The following TRAPPC3L variants were observed in gnomAD, a reference collection of about 807,000 sequenced individuals.
The protein encoded by TRAPPC3L is trafficking protein particle complex subunit 3L, also known as trafficking protein particle complex subunit 3-like protein.
A neutral mutation model predicts 23.7 loss-of-function variants in TRAPPC3L; 23 were observed. That is an observed-to-expected ratio of 0.97 (90% CI 0.70 to 1.37). The LOEUF (loss-of-function observed/expected upper bound fraction) is 1.37, where lower values mean the gene tolerates loss of function less well. TRAPPC3L is among the 40% of genes most tolerant of loss of function. The pLI, the probability that TRAPPC3L is intolerant of heterozygous loss-of-function variation, is 0.00. For missense variants in TRAPPC3L, 212 were observed against 216.8 expected (o/e 0.98, Z 0.14); for synonymous variants, 81 against 77.9 (o/e 1.04, Z -0.21).
chr6:116,508,472 T>C (rs1227561033), intron 3 of TRAPPC3L, among the ~76,000 whole-genome samples: 1 of 152,126 alleles, frequency 6.6e-6, no homozygotes, highest in Non-Finnish European at 1.5e-5. Flanking sequence ...CAATTTCAGT[T>C]TTAGAAGGAT....
chr6:116,516,145 G>T, intron 3 of TRAPPC3L: 1 of 1,019,956 alleles, frequency 9.8e-7, no homozygotes, highest in Non-Finnish European at 1.3e-6. Context: ...AAGCTCTCAA[G>T]TGGAACATCA....
intron 3 of TRAPPC3L, among the ~76,000 whole-genome samples, chr6:116,515,050 A>G (rs186021484): frequency 3.3e-5 from 5 of 152,340 alleles, no homozygotes; most frequent in East Asian, 3.9e-4. Context: ...ATCATTTTCA[A>G]GGTTTTAATG....
At chr6:116,526,393 A>G (rs1157495094) in intron 3 of TRAPPC3L, among the ~76,000 whole-genome samples, 1 of 152,252 alleles carries the variant, frequency 6.6e-6, no homozygotes, top group Non-Finnish European at 1.5e-5. Context: ...GAATCACCCT[A>G]GAGTTCCACA....
chr6:116,501,636 A>T (rs1288950565), intron 3 of TRAPPC3L, among the ~76,000 whole-genome samples: 2 of 152,114 alleles, frequency 1.3e-5, no homozygotes, highest in Non-Finnish European at 2.9e-5. Flanking sequence ...CACCTCATAC[A>T]GGCAGGTGCC....
intron 3 of TRAPPC3L, chr6:116,517,283 A>G (rs1237232629): frequency 6.6e-6 from 1 of 152,182 alleles, no homozygotes; most frequent in East Asian, 1.9e-4. Flanking sequence ...GTCTGGGGAC[A>G]CTGTCCAAAG....
At chr6:116,515,465 A>T in intron 3 of TRAPPC3L, 1 of 1,001,616 alleles carries the variant, frequency 1.0e-6, no homozygotes, top group East Asian at 2.5e-5. Context: ...AGTGTTTAAA[A>T]ATTAAGATGA....
chr6:116,536,292 G>C (rs576046362), intron 3 of TRAPPC3L, among the ~76,000 whole-genome samples: 3 of 152,124 alleles, frequency 2.0e-5, no homozygotes, highest in African/African-American at 7.2e-5. Context: ...CAATGATTTG[G>C]CCATTATCAT....
intron 3 of TRAPPC3L, 122 bp downstream of exon 3, chr6:116,540,241 C>A: frequency 1.1e-6 from 1 of 879,888 alleles, no homozygotes; most frequent in South Asian, 1.8e-5. Flanking sequence ...ATCAGAATCT[C>A]CTTTCTCAGC....
chr6:116,540,626 C>T (rs1285919627), intron 2 of TRAPPC3L, among the ~76,000 whole-genome samples, 164 bp from the exon 3 acceptor site: 1 of 151,978 alleles, frequency 6.6e-6, no homozygotes, highest in Non-Finnish European at 1.5e-5. Flanking sequence ...CTTATTCGCC[C>T]CACAGACCAC....
intron 3 of TRAPPC3L, among the ~76,000 whole-genome samples, chr6:116,510,149 T>C (rs1772084720): frequency 6.6e-6 from 1 of 152,204 alleles, no homozygotes; most frequent in Non-Finnish European, 1.5e-5. Flanking sequence ...CCAGTAATAA[T>C]GGCTATTACT....
intron 1 of TRAPPC3L, 53 bp downstream of exon 1, chr6:116,545,420 C>CTG: frequency 6.8e-7 from 1 of 1,463,422 alleles, no homozygotes; most frequent in Non-Finnish European, 9.2e-7. Context: ...AGAAATCACT[C>CTG]AAGAAAACAT....
At chr6:116,545,106 C>CAT (rs71707029) in intron 1 of TRAPPC3L, among the ~76,000 whole-genome samples, 50 of 150,410 alleles carry the variant, frequency 3.3e-4, no homozygotes, top group African/African-American at 9.3e-4. Context: ...TATATACACA[C>CAT]ATATATATAT....
intron 3 of TRAPPC3L, among the ~76,000 whole-genome samples, chr6:116,534,333 T>C (rs1772935186): frequency 6.6e-6 from 1 of 152,192 alleles, no homozygotes; most frequent in African/African-American, 2.4e-5. Flanking sequence ...GTATTGGAGA[T>C]TGGAAATCTA....
At chr6:116,542,196 TAGAC>T (rs1773504029) in intron 2 of TRAPPC3L, among the ~76,000 whole-genome samples, 2 of 152,284 alleles carry the variant, frequency 1.3e-5, no homozygotes, top group South Asian at 4.1e-4. Context: ...CTCACAGCTA[TAGAC>T]AGACAGTTCA....
chr6:116,503,725 C>A (rs1325667055), intron 3 of TRAPPC3L, among the ~76,000 whole-genome samples: 1 of 152,182 alleles, frequency 6.6e-6, no homozygotes, highest in African/African-American at 2.4e-5. Flanking sequence ...AAAACTCACT[C>A]AAAACCGCAC....
Position 116,545,509 on chromosome 6 carries a change from A to G in TRAPPC3L, c.6T>C (p.Ser2=). The G allele has an allele frequency of 6.5e-7, 1 of 1,548,268 alleles. No individual in the cohort carries two copies. The highest frequency in any genetic ancestry group is 8.7e-7 in the Non-Finnish European group (1 of 1,145,050). Residue 2 remains serine, a synonymous_variant, in exon 1 of 5, where the codon TCT becomes TCC. Coordinates refer to ENST00000368602, the MANE Select transcript of TRAPPC3L (RefSeq NM_001139444.3). ...ATTCTGGTCTTCGGTGTGCAGGGCG[A>G]GACATAGTGCTTGATAGATGAAGAA... M[S]RPAHRRPEYH... is the part of the protein sequence containing the mutation.
intron 3 of TRAPPC3L, chr6:116,519,244 G>A (rs575808454): frequency 2.0e-5 from 3 of 152,300 alleles, no homozygotes; most frequent in South Asian, 4.1e-4. Context: ...AAACATATTA[G>A]CAGGATAAAC....
At chr6:116,544,771 G>T (rs1479790667) in intron 1 of TRAPPC3L, among the ~76,000 whole-genome samples, 1 of 152,060 alleles carries the variant, frequency 6.6e-6, no homozygotes, top group Non-Finnish European at 1.5e-5. Context: ...ATGCTAGTTA[G>T]TCACTACAAT....
At chr6:116,534,869 G>A (rs1329711677) in intron 3 of TRAPPC3L, among the ~76,000 whole-genome samples, 2 of 151,982 alleles carry the variant, frequency 1.3e-5, no homozygotes, top group Non-Finnish European at 1.5e-5. Flanking sequence ...CCTAAAAATC[G>A]GGGTTTCAAG....
Sources: allele counts gnomAD v4.1 joint callset (sites outside exome capture counted in the v4.1 genomes callset), GRCh38; gene constraint gnomAD v4.1.1; transcripts MANE v1.5; gene names NCBI Gene and HGNC (gene_info 2026-07-23, HGNC 2026-07-21).